Variants in ITGB1 observed in about 807,000 individuals in gnomAD.
ITGB1 encodes integrin subunit beta 1.
ITGB1 carries 24 observed loss-of-function variants against 86.5 expected under a neutral mutation model. The observed-to-expected ratio is 0.28, with a 90% confidence interval of 0.20 to 0.39. The LOEUF is 0.39. Among genes scored for constraint, ITGB1 ranks in the 10% least tolerant of loss-of-function variants. The pLI, the probability that ITGB1 is intolerant of heterozygous loss-of-function variation, is 1.00. For synonymous variants in ITGB1, 323 were observed against 316.8 expected (o/e 1.02, Z -0.21); for missense variants, 556 against 946.9 (o/e 0.59, Z 5.42).
At chr10:32,945,512 T>C (rs1409035669) in intron 1 of ITGB1, among the ~76,000 whole-genome samples, 2 of 151,908 alleles carry the variant, frequency 1.3e-5, no homozygotes, top group Admixed American at 6.6e-5. Flanking sequence ...GGCAGGAGAA[T>C]GGCGTGAACC....
intron 1 of ITGB1, chr10:32,944,784 G>C: frequency 1.3e-6 from 1 of 755,980 alleles, no homozygotes; most frequent in Non-Finnish European, 2.4e-6. Context: ...CATCCTGCCA[G>C]TGGCTGAGTC....
At chr10:32,919,235 T>C (rs913147230) in intron 11 of ITGB1, among the ~76,000 whole-genome samples, 3 of 152,212 alleles carry the variant, frequency 2.0e-5, no homozygotes. Flanking sequence ...TTAAACACTC[T>C]TCCCTCTTCC....
intron 5 of ITGB1, among the ~76,000 whole-genome samples, chr10:32,927,244 C>T (rs373569114): frequency 6.6e-6 from 1 of 152,132 alleles, no homozygotes; most frequent in Non-Finnish European, 1.5e-5. Flanking sequence ...TTTTGAAAGG[C>T]AGCTCTTAGG....
intron 5 of ITGB1, among the ~76,000 whole-genome samples, chr10:32,927,557 C>G (rs1323871910): frequency 6.6e-6 from 1 of 152,142 alleles, no homozygotes; most frequent in African/African-American, 2.4e-5. Context: ...TCTGGGAGGC[C>G]AAGGCAGCTG....
In ITGB1 at chr10:32,910,381, T is replaced by G; in HGVS notation, c.2006A>C (p.Asn669Thr). The G allele has an allele frequency of 6.2e-7, 1 of 1,602,328 alleles. No homozygotes were observed. Among genetic ancestry groups the G allele is most frequent in the Non-Finnish European group, 8.6e-7 (1 of 1,169,492 alleles). Residue 669 changes from asparagine to threonine, a missense_variant, in exon 14 of 16, where the codon AAC becomes ACC. Physicochemically the swap from Asn to Thr is moderately conservative, Grantham distance 65 (BLOSUM62 0). This residue lies in a region of ITGB1 where 330 missense variants were observed against 531.5 expected (regional missense o/e 0.62). Transcript: ENST00000302278. ...GTCCCGACTTTCTACCTTGGTAATGTTAAAATAGGAACATTCCTGTGTGCA... is the reference window on the plus strand; with the variant it reads ...GTCCCGACTTTCTACCTTGGTAATGGTAAAATAGGAACATTCCTGTGTGCA... ...DTCTQECSYF[N>T]ITKVESRDKL...
chr10:32,955,477 T>C (rs1246327985), intron 1 of ITGB1: 1 of 152,206 alleles, frequency 6.6e-6, no homozygotes, highest in Non-Finnish European at 1.5e-5. Context: ...ACTAGCAGCA[T>C]AGTTAAGGGC....
At chr10:32,940,944 C>G (rs913277784) in intron 1 of ITGB1, among the ~76,000 whole-genome samples, 2 of 152,190 alleles carry the variant, frequency 1.3e-5, no homozygotes, top group Non-Finnish European at 2.9e-5. Flanking sequence ...TCAGGAAATA[C>G]AAGGGTCACT....
At position 32,941,483 on chromosome 10, in the gene ITGB1, A is replaced by T. The variant is rs7092960; in HGVS notation, c.1-5925T>A. ...AGACTTAAATTATGAGTTGGAAATA[A>T]CAGGAACGAAGACCAAGCAAGCAGG... On this transcript the variant is annotated intron_variant, in intron 1 of 15. Coordinates refer to ENST00000302278, the MANE Select transcript of ITGB1 (RefSeq NM_002211.4). 7.0e-3 allele frequency among the ~76,000 whole-genome samples: 1,073 copies of T among 152,314 alleles called. 13 individuals are homozygous for T. The highest frequency in any genetic ancestry group is 0.025 in the African/African-American group (1,024 of 41,566).
chr10:32,912,156 A>G, intron 11 of ITGB1, 32 bp from the exon 12 acceptor site: 2 of 1,575,376 alleles, frequency 1.3e-6, no homozygotes, highest in Non-Finnish European at 1.7e-6. Flanking sequence ...GCAATCACAC[A>G]AAACAAAAAT....
intron 15 of ITGB1, among the ~76,000 whole-genome samples, chr10:32,907,512 C>T (rs2094900108): frequency 6.6e-6 from 1 of 152,112 alleles, no homozygotes; most frequent in South Asian, 2.1e-4. Context: ...ATATAATTTT[C>T]ATAGAGGAAC....
chr10:32,927,728 A>G (rs1296572375), intron 5 of ITGB1, among the ~76,000 whole-genome samples: 4 of 151,998 alleles, frequency 2.6e-5, no homozygotes, highest in Non-Finnish European at 5.9e-5. Flanking sequence ...CGGGAAGCGG[A>G]GGTTGCAGTG....
intron 15 of ITGB1, among the ~76,000 whole-genome samples, chr10:32,904,156 A>G (rs2094890037): frequency 6.6e-6 from 1 of 152,200 alleles, no homozygotes; most frequent in Admixed American, 6.5e-5. Context: ...CCACTCAAAC[A>G]AAAGTTTAAC....
At chr10:32,931,496 A>G (rs1357793874) in intron 3 of ITGB1, among the ~76,000 whole-genome samples, 1 of 152,148 alleles carries the variant, frequency 6.6e-6, no homozygotes, top group African/African-American at 2.4e-5. Context: ...TATCATCCTC[A>G]TTTTCAGATA....
rs920079049 is a variant in ITGB1 at position 32,937,704 on chromosome 10, CAA to C, written c.1-2148_1-2147del. Reference sequence around the variant, plus strand: ...ATAGTTTCATATAATCTGAAGATAACAAAGAGTTATATGCACAATATAAAGAC... The same window carrying C: ...ATAGTTTCATATAATCTGAAGATAACAGAGTTATATGCACAATATAAAGAC... On this transcript the variant is annotated intron_variant, in intron 1 of 15. Transcript: ENST00000302278. Among the ~76,000 whole-genome samples the C allele has an allele frequency of 8.6e-5, 13 of 150,868 alleles. No homozygotes were observed. In the South Asian group the frequency reaches 1.9e-3, roughly 22 times the overall value.
intron 11 of ITGB1, among the ~76,000 whole-genome samples, chr10:32,914,754 A>G (rs1157562360): frequency 6.6e-6 from 1 of 152,190 alleles, no homozygotes; most frequent in Non-Finnish European, 1.5e-5. Flanking sequence ...TAGACAGACC[A>G]ACGAGACAGA....
chr10:32,938,051 T>G (rs2095008439), intron 1 of ITGB1, among the ~76,000 whole-genome samples: 2 of 152,254 alleles, frequency 1.3e-5, no homozygotes, highest in Non-Finnish European at 2.9e-5. Context: ...CAGGCTGTTA[T>G]GCCTGAGCTT....
At chr10:32,917,645 A>G (rs1256729379) in intron 11 of ITGB1, among the ~76,000 whole-genome samples, 3 of 152,226 alleles carry the variant, frequency 2.0e-5, no homozygotes, top group Admixed American at 6.5e-5. Context: ...ACAATGAGAT[A>G]CCATCTCACA....
chr10:32,951,418 C>G (rs1484735375), intron 1 of ITGB1, among the ~76,000 whole-genome samples: 3 of 151,952 alleles, frequency 2.0e-5, no homozygotes, highest in Non-Finnish European at 1.5e-5. Flanking sequence ...ACCACCACCA[C>G]CAGCCCCTCC....
rs201413443 is a variant in ITGB1, at chr10:32,945,037, ACCT to A, written c.1-9482_1-9480del. On this transcript the variant is annotated intron_variant, in intron 1 of 15. Transcript: ENST00000302278. ...TGTGTGTAACTAGTAAGATGAGCAA[ACCT>A]CCTATTCCTTGAATTTAAAAACTGC... 1,456 of 594,792 alleles carry A rather than the reference ACCT, an allele frequency of 2.4e-3. 15 individuals are homozygous for A. The African/African-American group carries it at 0.025, about 10-fold the overall frequency. 36.8% of individuals were successfully genotyped at this position (594,792 alleles called of 1,614,324 possible).
Sources: allele counts gnomAD v4.1 joint callset (sites outside exome capture counted in the v4.1 genomes callset), GRCh38; gene constraint gnomAD v4.1.1; regional missense constraint gnomAD v4.1.1; transcripts MANE v1.5; gene names NCBI Gene and HGNC (gene_info 2026-07-23, HGNC 2026-07-21).